The following SELENOP variants were observed in gnomAD, a reference collection of about 807,000 sequenced individuals.
The protein encoded by SELENOP is selenoprotein P.
SELENOP carries 36 observed loss-of-function variants against 41.0 expected under a neutral mutation model. The observed-to-expected ratio is 0.88, with a 90% CI of 0.67 to 1.16. SELENOP has a LOEUF of 1.16. Among genes scored for constraint, SELENOP ranks in the 50% most tolerant of loss-of-function variants. The probability of loss-of-function intolerance (pLI) is 0.00; values close to 1 mark genes in which losing one functional copy is unlikely to be tolerated. For synonymous variants in SELENOP, 144 were observed against 150.8 expected (o/e 0.95, Z 0.33); for missense variants, 440 against 454.2 (o/e 0.97, Z 0.28).
At chr5:42,808,592 G>A (rs1308363563) in intron 1 of SELENOP, among the ~76,000 whole-genome samples, 1 of 151,992 alleles carries the variant, frequency 6.6e-6, no homozygotes, top group African/African-American at 2.4e-5. Context: ...ACCAAGTTCT[G>A]ACTGTTCTTT....
Position 42,800,957 on chromosome 5 carries a change from A to AT in SELENOP, c.908dup (p.His303GlnfsTer?). 7.4e-6 allele frequency: 12 copies of AT among 1,614,234 alleles called. No individual in the cohort carries two copies. The highest frequency in any genetic ancestry group is 1.0e-5 in the Non-Finnish European group (12 of 1,180,032). On this transcript the variant is annotated frameshift_variant, in exon 5 of 5. Transcript: ENST00000514985. LOFTEE classifies it high-confidence loss of function. ...TTTTTTCAAATATCAGATGTCGACA[A>AT]TGGCAGCATCAGCTCCTAGGAGCCA...
In SELENOP at chr5:42,804,688, A is replaced by G. The variant is rs1455948575; in HGVS notation, c.502T>C (p.Cys168Arg). ...YVEEAIKIAYCEKKCGNCSLT... is the reference protein window; with the variant it reads ...YVEEAIKIAYREKKCGNCSLT... ...GAGCAGTTTCCACATTTCTTTTCACAGTAAGCAATCTTAATGGCTTCTTCT... is the reference window on the plus strand; with the variant it reads ...GAGCAGTTTCCACATTTCTTTTCACGGTAAGCAATCTTAATGGCTTCTTCT... The change falls in exon 4 of 5, where the codon TGT (cysteine) becomes CGT (arginine). Residue 168 changes from cysteine to arginine, a missense_variant. Transcript: ENST00000514985. 1.2e-6 allele frequency: 2 copies of G among 1,604,048 alleles called. No individual in the cohort carries two copies. Among genetic ancestry groups the G allele is most frequent in the South Asian group, 2.2e-5 (2 of 89,922 alleles).
chr5:42,809,046 A>G (rs1166931210), intron 1 of SELENOP, among the ~76,000 whole-genome samples: 1 of 152,188 alleles, frequency 6.6e-6, no homozygotes, highest in Non-Finnish European at 1.5e-5. Flanking sequence ...GTATACCAAC[A>G]TGAATGTGGC....
intron 4 of SELENOP, among the ~76,000 whole-genome samples, chr5:42,802,872 G>A (rs943601352): frequency 6.6e-6 from 1 of 152,222 alleles, no homozygotes; most frequent in Non-Finnish European, 1.5e-5. Flanking sequence ...GCCTCCCAAA[G>A]TGCTGGGATT....
chr5:42,800,531 T>TA lies in SELENOP; in HGVS notation c.*188dup. 2 of 647,822 alleles carry TA rather than the reference T, an allele frequency of 3.1e-6. No individual in the cohort carries two copies. The highest frequency in any genetic ancestry group is 2.7e-5 in the South Asian group (1 of 36,712). The allele number at this position is 647,822 out of a possible 1,614,324, so 40.1% of individuals were successfully genotyped here. A position where few individuals can be genotyped will look rare whatever the true frequency, so the allele number is the denominator to read the frequency against. ...CAATCACCTTTCAGTTGCTCCATCA[T>TA]AAAAAATATGGTTTGAGTCAATATT... On this transcript the variant is annotated 3_prime_UTR_variant, in exon 5 of 5. Coordinates refer to ENST00000514985, the MANE Select transcript of SELENOP (RefSeq NM_005410.4).
At chr5:42,805,869 C>A (rs1401495859) in intron 3 of SELENOP, 1 of 151,956 alleles carries the variant, frequency 6.6e-6, no homozygotes, top group East Asian at 1.9e-4. Flanking sequence ...AAATCAAAGT[C>A]ATTTCAAAAA....
rs1194628978 is a variant in SELENOP, at chr5:42,804,658, T to A, written c.532A>T (p.Thr178Ser). 1.6e-5 allele frequency: 24 copies of A among 1,519,834 alleles called. No individual in the cohort carries two copies. Among genetic ancestry groups the A allele is most frequent in the Non-Finnish European group, 2.1e-5 (23 of 1,104,054 alleles). 94.1% of individuals were successfully genotyped at this position (1,519,834 alleles called of 1,614,324 possible). A position where few individuals can be genotyped will look rare whatever the true frequency, so the allele number is the denominator to read the frequency against. Residue 178 changes from threonine to serine, a missense_variant and splice_region_variant, in exon 4 of 5, where the codon ACG becomes TCG. Transcript: ENST00000514985. ...AGAAAAATAATTCAGAAAAATACCGTGAGAGAGCAGTTTCCACATTTCTTT... is the reference window on the plus strand; with the variant it reads ...AGAAAAATAATTCAGAAAAATACCGAGAGAGAGCAGTTTCCACATTTCTTT... ...CEKKCGNCSLTTLKDEDFCKR... is the reference protein window; with the variant it reads ...CEKKCGNCSLSTLKDEDFCKR...
rs538496626 is a variant in SELENOP at position 42,810,696 on chromosome 5, G to T, written c.-14+1140C>A. Reference sequence around the variant, plus strand: ...GCTGGTCTTACACTCCTCACCTCGTGATCCGCCTGCCTTGGCCTCCCAAAG... The same window carrying T: ...GCTGGTCTTACACTCCTCACCTCGTTATCCGCCTGCCTTGGCCTCCCAAAG... On this transcript the variant is annotated intron_variant, in intron 1 of 4. Transcript: ENST00000514985. 33 of 392,648 alleles carry T rather than the reference G, an allele frequency of 8.4e-5. No individual in the cohort carries two copies. In the Middle Eastern group the frequency reaches 3.0e-3, roughly 36 times the overall value. 24.3% of individuals were successfully genotyped at this position (392,648 alleles called of 1,614,324 possible).
intron 1 of SELENOP, among the ~76,000 whole-genome samples, chr5:42,811,458 A>G (rs1023713676): frequency 6.6e-6 from 1 of 152,154 alleles, no homozygotes; most frequent in Non-Finnish European, 1.5e-5. Flanking sequence ...TTCAAATCCA[A>G]ATGGCTGGGT....
rs564357309 is a variant in SELENOP at position 42,800,758 on chromosome 5, T to G, written c.1108A>C (p.Lys370Gln). Residue 370 changes from lysine (K) to glutamine (Q), a missense_variant, in exon 5 of 5, where the codon AAG (lysine) becomes CAG (glutamine). Physicochemically the swap from Lys to Gln is moderately conservative, Grantham distance 53. Coordinates refer to ENST00000514985, the MANE Select transcript of SELENOP (RefSeq NM_005410.4). ...PTEASASURU[K>Q]NQAKKUEUPS... ...CATTCTCACTTTTTTGCCTGATTCT[T>G]TCAGCGTCAACTGGCACTGGCTTCT... The G allele has an allele frequency of 2.5e-6, 4 of 1,611,084 alleles. No individual in the cohort carries two copies. In the Admixed American group the frequency reaches 5.0e-5, roughly 20 times the overall value.
Position 42,800,763 on chromosome 5 carries a change from C to T in SELENOP, c.1103G>A (p.Arg368His), listed in dbSNP as rs369047140. 1.1e-5 allele frequency: 17 copies of T among 1,611,594 alleles called. No homozygotes were observed. Among genetic ancestry groups the T allele is most frequent in the Middle Eastern group, 1.7e-4 (1 of 6,042 alleles). ...TCACTTTTTTGCCTGATTCTTTCAG[C>T]GTCAACTGGCACTGGCTTCTGTGGG... ...LIPTEASASURUKNQAKKUEU... is the reference protein window; with the variant it reads ...LIPTEASASUHUKNQAKKUEU... The change falls in exon 5 of 5, where the codon CGC (arginine) becomes CAC (histidine). Residue 368 changes from arginine to histidine, a missense_variant. Physicochemically the swap from Arg to His is conservative, Grantham distance 29. Transcript: ENST00000514985.
At chr5:42,809,793 A>G in intron 1 of SELENOP, 2 of 956,394 alleles carry the variant, frequency 2.1e-6, no homozygotes, top group Non-Finnish European at 2.5e-6. Flanking sequence ...ACTTAACTAG[A>G]GAGAGTGAGG....
intron 1 of SELENOP, among the ~76,000 whole-genome samples, chr5:42,809,602 G>A (rs1760416923): frequency 1.3e-5 from 2 of 152,144 alleles, no homozygotes; most frequent in African/African-American, 4.8e-5. Flanking sequence ...CTTTGGAGGT[G>A]GGGAGCTAAT....
chr5:42,805,435 T>C (rs1760311474), intron 3 of SELENOP: 1 of 152,270 alleles, frequency 6.6e-6, no homozygotes, highest in Admixed American at 6.5e-5. Flanking sequence ...TGTGAATTTT[T>C]AAAAATTTAG....
intron 1 of SELENOP, among the ~76,000 whole-genome samples, chr5:42,810,984 G>T (rs1350053391): frequency 2.6e-5 from 4 of 152,166 alleles, no homozygotes; most frequent in Non-Finnish European, 5.9e-5. Flanking sequence ...ATAGTTGTCA[G>T]ACAGCTATAT....
chr5:42,811,350 C>T (rs2111656843), intron 1 of SELENOP, among the ~76,000 whole-genome samples: 1 of 152,276 alleles, frequency 6.6e-6, no homozygotes, highest in South Asian at 2.1e-4. Flanking sequence ...TGGACTGAAC[C>T]TACTGTACCC....
Position 42,800,797 on chromosome 5 carries a change from G to A in SELENOP, c.1069C>T (p.Gln357Ter), listed in dbSNP as rs760305581. The A allele has an allele frequency of 6.2e-7, 1 of 1,614,192 alleles. No homozygotes were observed. Among genetic ancestry groups the A allele is most frequent in the South Asian group, 1.1e-5 (1 of 91,084 alleles). ...GCACTGGCTTCTGTGGGTATAAGCT[G>A]CTGACTTATTTGTCAGGCAGCTGGA... ...LPPAAUQISQ[Q>*]LIPTEASASU... The change falls in exon 5 of 5, where the codon CAG becomes TAG. Residue 357 changes from glutamine (Q) to a stop codon, truncating the protein, a stop_gained. Coordinates refer to ENST00000514985, the MANE Select transcript of SELENOP (RefSeq NM_005410.4). LOFTEE classifies it high-confidence loss of function.
chr5:42,803,904 C>T (rs1474284156), intron 4 of SELENOP, among the ~76,000 whole-genome samples: 1 of 152,144 alleles, frequency 6.6e-6, no homozygotes, highest in Admixed American at 6.5e-5. Flanking sequence ...AATCTGATAG[C>T]CTTGCATCTT....
chr5:42,808,090 CGTGT>C (rs1420185691), intron 2 of SELENOP, 57 bp downstream of exon 2: 5 of 774,428 alleles, frequency 6.5e-6, no homozygotes, highest in Non-Finnish European at 7.8e-6. Flanking sequence ...TGTCTATATG[CGTGT>C]GTGTATTTAA....
Sources: gnomAD v4.1 joint callset for allele counts (sites outside exome capture counted in the v4.1 genomes callset) on GRCh38, gnomAD v4.1.1 for gene constraint, MANE v1.5 for transcripts, NCBI Gene and HGNC (gene_info 2026-07-23, HGNC 2026-07-21) for gene names.